Variants in NCAPG2 observed in about 807,000 individuals in gnomAD.
The protein encoded by NCAPG2 is condensin-2 complex subunit G2.
In NCAPG2, 53 loss-of-function variants were observed where a neutral mutation model predicts 141.1. The ratio of observed to expected loss-of-function variants is 0.38; its 90% CI spans 0.30 to 0.47. The LOEUF is 0.47. Among genes scored for constraint, NCAPG2 ranks in the 20% least tolerant of loss-of-function variants. NCAPG2 has a pLI of 0.99. For missense variants in NCAPG2, 1,087 were observed against 1,389.0 expected (o/e 0.78, Z 3.46); for synonymous variants, 499 against 490.7 (o/e 1.02, Z -0.22).
chr7:158,666,963 T>G (rs1036404812), intron 13 of NCAPG2, among the ~76,000 whole-genome samples: 1 of 152,106 alleles, frequency 6.6e-6, no homozygotes, highest in Non-Finnish European at 1.5e-5. Flanking sequence ...TACTGAGGTG[T>G]GCACGCCAGG....
In NCAPG2 at chr7:158,646,559, GA is replaced by G; in HGVS notation, c.3079del (p.Ser1027LeufsTer3). The G allele has an allele frequency of 6.4e-7, 1 of 1,569,280 alleles. No homozygotes were observed. Among genetic ancestry groups the G allele is most frequent in the Non-Finnish European group, 8.6e-7 (1 of 1,165,952 alleles). On this transcript the variant is annotated frameshift_variant, in exon 25 of 28. Transcript: ENST00000356309. LOFTEE classifies it high-confidence loss of function. ...VEISHQLRKVSDVEELTPPEH... is the reference protein window; with the variant it reads ...VEISHQLRKVXDVEELTPPEH... ...TGGAGGGGTAAGCTCTTCTACGTCA[GA>G]AACCTAAAAAAGTTCCAAATCAGCA... is the stretch of plus-strand genomic sequence containing the variant.
chr7:158,645,166 A>T lies in NCAPG2; in HGVS notation c.3280+353T>A, dbSNP rs115533786. On this transcript the variant is annotated intron_variant, in intron 26 of 27. Coordinates refer to ENST00000356309, the MANE Select transcript of NCAPG2 (RefSeq NM_017760.7). ...ACCAAAATATCCGTCATCAACCAAA[A>T]TAAATTCAGATTTTAAGATACAGGT... Among the ~76,000 whole-genome samples, 862 of 152,356 alleles carry T rather than the reference A, an allele frequency of 5.7e-3. 4 individuals are homozygous for T. Among genetic ancestry groups the T allele is most frequent in the African/African-American group, 0.02 (821 of 41,574 alleles).
intron 2 of NCAPG2, 68 bp downstream of exon 2, chr7:158,701,754 T>C: frequency 7.4e-7 from 1 of 1,355,086 alleles, no homozygotes; most frequent in Non-Finnish European, 1.0e-6. Flanking sequence ...TTTGGGGACA[T>C]AATGACTTTA....
intron 19 of NCAPG2, among the ~76,000 whole-genome samples, chr7:158,655,672 A>AGCTCTT (rs1831865502): frequency 3.8e-4 from 1 of 2,656 alleles, no homozygotes; most frequent in East Asian, 0.015. Context: ...CACCGTCCAC[A>AGCTCTT]GCCCTTGCCC....
Position 158,664,232 on chromosome 7 carries a change from A to C in NCAPG2, c.1767T>G (p.Pro589=). 6.2e-7 allele frequency: 1 copy of C among 1,613,882 alleles called. No individual in the cohort carries two copies. The highest frequency in any genetic ancestry group is 8.5e-7 in the Non-Finnish European group (1 of 1,179,758). ...CGTCCTCTTCCTCCTCGTCCTCTGG[A>C]GGCTCTCTCACTGCCCTCTGGATAC... The part of the protein sequence containing the change: ...NACIQRAVRE[P]PEDEEEEDGR... The change falls in exon 15 of 28, where the codon CCT becomes CCG. Residue 589 remains proline (P), a synonymous_variant. Coordinates refer to ENST00000356309, the MANE Select transcript of NCAPG2 (RefSeq NM_017760.7).
chr7:158,688,863 T>A (rs1180274901), intron 6 of NCAPG2, among the ~76,000 whole-genome samples: 2 of 152,198 alleles, frequency 1.3e-5, no homozygotes, highest in Non-Finnish European at 2.9e-5. Flanking sequence ...GCTGAGCAGC[T>A]GTGACACCTG....
chr7:158,652,151 C>T, intron 23 of NCAPG2, 142 bp downstream of exon 23: 1 of 798,256 alleles, frequency 1.3e-6, no homozygotes, highest in Non-Finnish European at 2.0e-6. Flanking sequence ...TCTCTCAGTG[C>T]ACCTCGCCAG....
At chr7:158,653,373 A>T (rs376922003) in intron 22 of NCAPG2, among the ~76,000 whole-genome samples, 95 of 91,676 alleles carry the variant, frequency 1.0e-3, no homozygotes, top group Admixed American at 2.0e-3. Context: ...TCAAAAAAAA[A>T]AAAATAAAAA....
At chr7:158,662,720 TTTCACCACAAATCTC>T (rs1832610994) in intron 15 of NCAPG2, among the ~76,000 whole-genome samples, 1 of 152,182 alleles carries the variant, frequency 6.6e-6, no homozygotes, top group Non-Finnish European at 1.5e-5. Context: ...AGACATCACT[TTTCACCACAAATCTC>T]GATGCAGGGG....
Position 158,654,447 on chromosome 7 carries a change from C to A in NCAPG2, c.2746+148G>T, listed in dbSNP as rs1451537486. 3 of 756,554 alleles carry A rather than the reference C, an allele frequency of 4.0e-6. No homozygotes were observed. In the South Asian group the frequency reaches 6.9e-5, roughly 17 times the overall value. The allele number at this position is 756,554 out of a possible 1,614,324, so 46.9% of individuals were successfully genotyped here. A position where few individuals can be genotyped will look rare whatever the true frequency, so the allele number is the denominator to read the frequency against. ...AACACCTCTTAATTTCCGGGCTGAA[C>A]CACCTAACAAATCCCTTTTTTGGGA... On this transcript the variant is annotated intron_variant, in intron 22 of 27. Transcript: ENST00000356309.
Position 158,690,568 on chromosome 7 carries a change from T to C in NCAPG2, c.537A>G (p.Thr179=), listed in dbSNP as rs778724874. The change falls in exon 5 of 28, where the codon ACA becomes ACG. Residue 179 remains threonine (T), a splice_region_variant and synonymous_variant. Coordinates refer to ENST00000356309, the MANE Select transcript of NCAPG2 (RefSeq NM_017760.7). ...MLLRRSLETK[T]GADVCRLWRI... ...TTAAAAAAATAAAAAGTGAGCATAC[T>C]GTCTTAGTCTCCAGACTCCTCCTTA... The C allele has an allele frequency of 2.8e-5, 45 of 1,612,790 alleles. No individual in the cohort carries two copies. The highest frequency in any genetic ancestry group is 3.3e-5 in the Admixed American group (2 of 59,810).
intron 27 of NCAPG2, among the ~76,000 whole-genome samples, chr7:158,636,409 T>C (rs558575489): frequency 2.6e-5 from 4 of 150,974 alleles, no homozygotes; most frequent in South Asian, 4.2e-4. Flanking sequence ...TTTCTTTTTT[T>C]TTTTTTTTTG....
chr7:158,649,812 G>A (rs1314894619), intron 24 of NCAPG2, among the ~76,000 whole-genome samples: 1 of 151,270 alleles, frequency 6.6e-6, no homozygotes, highest in African/African-American at 2.4e-5. Flanking sequence ...TTCTCTATAT[G>A]AAAACATGAT....
chr7:158,671,709 C>T, intron 12 of NCAPG2, 43 bp from the exon 13 acceptor site: 2 of 1,600,784 alleles, frequency 1.2e-6, no homozygotes, highest in Non-Finnish European at 8.5e-7. Context: ...TCAGAACATG[C>T]CAATGAAAGG....
intron 11 of NCAPG2, among the ~76,000 whole-genome samples, chr7:158,677,581 C>T (rs1023552330): frequency 1.4e-5 from 2 of 145,238 alleles, no homozygotes; most frequent in African/African-American, 5.1e-5. Context: ...GAAGGCCTGT[C>T]CTTGGGATTC....
chr7:158,664,638 T>G lies in NCAPG2; in HGVS notation c.1592A>C (p.Gln531Pro). 6.2e-7 allele frequency: 1 copy of G among 1,614,128 alleles called. No individual in the cohort carries two copies. The highest frequency in any genetic ancestry group is 8.5e-7 in the Non-Finnish European group (1 of 1,180,006). The part of the protein sequence containing the change: ...LIFNSFLPVN[Q>P]PEEVWCERCV... ...GCGCTCGCACCAGACCTCCTCCGGCTGATTCACAGGCAGGAAAGAATTAAA... is the reference window on the plus strand; with the variant it reads ...GCGCTCGCACCAGACCTCCTCCGGCGGATTCACAGGCAGGAAAGAATTAAA... The change falls in exon 14 of 28, where the codon CAG becomes CCG. Residue 531 changes from glutamine to proline, a missense_variant. Coordinates refer to ENST00000356309, the MANE Select transcript of NCAPG2 (RefSeq NM_017760.7).
Position 158,633,428 on chromosome 7 carries a change from C to G in NCAPG2, c.3381-1711G>C, listed in dbSNP as rs1830007688. ...CACTATCACTCTGGAAGCGCCTGGG[C>G]CACCCTCTGTGTGGTTATTTCTGCC... On this transcript the variant is annotated intron_variant, in intron 27 of 27. Transcript: ENST00000356309. The surrounding 1 kb of genome is among the most constrained non-coding windows in gnomAD (Gnocchi z 4.1). Among the ~76,000 whole-genome samples, 1 of 152,240 alleles carries G rather than the reference C, an allele frequency of 6.6e-6. No homozygotes were observed. Among genetic ancestry groups the G allele is most frequent in the Non-Finnish European group, 1.5e-5 (1 of 68,044 alleles).
At position 158,646,388 on chromosome 7, in the gene NCAPG2, G is replaced by A. The variant is rs542685493; in HGVS notation, c.3179+72C>T. ...GCTTTGAAAAACTTGAGTGTAAAAGGAATAGAACAAAAGCTGCTGAGCGCT... is the reference window on the plus strand; with the variant it reads ...GCTTTGAAAAACTTGAGTGTAAAAGAAATAGAACAAAAGCTGCTGAGCGCT... On this transcript the variant is annotated intron_variant, in intron 25 of 27. Coordinates refer to ENST00000356309, the MANE Select transcript of NCAPG2 (RefSeq NM_017760.7). The A allele has an allele frequency of 7.4e-5, 81 of 1,099,716 alleles. No homozygotes were observed. The African/African-American group carries it at 1.2e-3, about 16-fold the overall frequency. 68.1% of individuals were successfully genotyped at this position (1,099,716 alleles called of 1,614,324 possible).
At chr7:158,700,836 C>CT (rs1835732976) in intron 2 of NCAPG2, among the ~76,000 whole-genome samples, 3 of 152,210 alleles carry the variant, frequency 2.0e-5, no homozygotes, top group Middle Eastern at 3.2e-3. Flanking sequence ...CCCAAAGATA[C>CT]TTTCGTATTT....
Sources: allele counts gnomAD v4.1 joint callset (sites outside exome capture counted in the v4.1 genomes callset), GRCh38; gene constraint gnomAD v4.1.1; non-coding constraint Gnocchi (gnomAD v3.1); transcripts MANE v1.5; gene names NCBI Gene and HGNC (gene_info 2026-07-23, HGNC 2026-07-21).